Variants in ANAPC1 observed in about 807,000 individuals in gnomAD.
The protein encoded by ANAPC1 is anaphase promoting complex subunit 1.
A neutral mutation model predicts 208.0 loss-of-function variants in ANAPC1; 36 were observed. That is an observed-to-expected ratio of 0.17 (90% CI 0.13 to 0.23). ANAPC1 has a LOEUF of 0.23. ANAPC1 is among the 10% of genes least tolerant of loss of function. The pLI is 1.00. For missense variants in ANAPC1, 942 were observed against 2,011.6 expected, an observed-to-expected ratio of 0.47 and a Z score of 10.17; for synonymous variants, 378 against 695.2, an observed-to-expected ratio of 0.54 and a Z score of 7.18.
At chr2:111,797,037 G>GT (rs972208183) in intron 34 of ANAPC1, among the ~76,000 whole-genome samples, 6 of 151,710 alleles carry the variant, frequency 4.0e-5, no homozygotes, top group African/African-American at 1.5e-4. Flanking sequence ...TTGTTTGTTT[G>GT]TTTTTTGTAG....
chr2:111,833,093 G>T, intron 20 of ANAPC1, 127 bp downstream of exon 20: 1 of 1,331,004 alleles, frequency 7.5e-7, no homozygotes, highest in Non-Finnish European at 9.9e-7. Context: ...AAATCTGCCT[G>T]GTGGAAAGGC....
chr2:111,867,523 T>G (rs1274958633), intron 7 of ANAPC1, among the ~76,000 whole-genome samples: 31 of 151,666 alleles, frequency 2.0e-4, no homozygotes, highest in Admixed American at 1.5e-3. Context: ...AAACCCCATC[T>G]CCACCAAAAA....
rs58815496 is a variant in ANAPC1, at chr2:111,823,000, CTTTTTTTTTTTTTTTTTT to C, written c.2813-418_2813-401del. 9.8e-5 allele frequency among the ~76,000 whole-genome samples: 6 copies of C among 61,304 alleles called. 1 individual carries two copies. Among genetic ancestry groups the C allele is most frequent in the African/African-American group, 3.5e-4 (5 of 14,086 alleles). 40.2% of individuals were successfully genotyped at this position (61,304 alleles called of 152,430 possible). A position where few individuals can be genotyped will look rare whatever the true frequency, so the allele number is the denominator to read the frequency against. ...TAGAGCAATAATAATTCTTTTTATT[CTTTTTTTTTTTTTTTTTT>C]TTTTTTTTTGAGATGGAGTCTCGCT... On this transcript the variant is annotated intron_variant, in intron 24 of 47. Coordinates refer to ENST00000341068, the MANE Select transcript of ANAPC1 (RefSeq NM_022662.4).
chr2:111,792,864 A>G (rs1444050353), intron 37 of ANAPC1, among the ~76,000 whole-genome samples: 1 of 152,126 alleles, frequency 6.6e-6, no homozygotes, highest in African/African-American at 2.4e-5. Flanking sequence ...GAGGCAGAAG[A>G]ATGGCGTGAA....
At chr2:111,783,712 A>G (rs1439022764) in intron 42 of ANAPC1, among the ~76,000 whole-genome samples, 185 bp downstream of exon 42, 1 of 152,268 alleles carries the variant, frequency 6.6e-6, no homozygotes, top group African/African-American at 2.4e-5. Flanking sequence ...TAAAACTTTC[A>G]TTTTCTAACA....
chr2:111,847,452 T>C (rs1358596591), intron 15 of ANAPC1, among the ~76,000 whole-genome samples: 2 of 152,254 alleles, frequency 1.3e-5, no homozygotes, highest in African/African-American at 4.8e-5. Flanking sequence ...AAAGGACATT[T>C]ACTTTTAATG....
intron 44 of ANAPC1, chr2:111,780,019 T>C (rs1677198284): frequency 4.5e-6 from 1 of 224,330 alleles, no homozygotes. Context: ...AAGCAGAATA[T>C]GGATGGGTAT....
intron 7 of ANAPC1, among the ~76,000 whole-genome samples, chr2:111,866,719 G>A (rs1255349307): frequency 2.2e-5 from 3 of 135,884 alleles, no homozygotes; most frequent in East Asian, 2.2e-4. Context: ...GCGAGACTCC[G>A]TCTCAAAAAA....
intron 17 of ANAPC1, among the ~76,000 whole-genome samples, chr2:111,838,839 A>G (rs1573434878): frequency 1.3e-5 from 2 of 152,334 alleles, no homozygotes; most frequent in South Asian, 2.1e-4. Flanking sequence ...AACTTTAGGC[A>G]TATCCACAAT....
intron 13 of ANAPC1, among the ~76,000 whole-genome samples, chr2:111,851,629 A>AC (rs953477112): frequency 3.3e-5 from 5 of 150,826 alleles, no homozygotes; most frequent in African/African-American, 1.2e-4. Context: ...ACACAGTGAA[A>AC]CCCCATCTCT....
intron 1 of ANAPC1, among the ~76,000 whole-genome samples, chr2:111,882,887 G>T (rs1051589071): frequency 6.6e-6 from 1 of 152,014 alleles, no homozygotes; most frequent in African/African-American, 2.4e-5. Context: ...CTTACAAGGG[G>T]CAGGGCGTGG....
chr2:111,823,000 C>CTTTTTTT (rs58815496), intron 24 of ANAPC1, among the ~76,000 whole-genome samples: 6 of 61,302 alleles, frequency 9.8e-5, no homozygotes, highest in African/African-American at 1.4e-4. Context: ...TCTTTTTATT[C>CTTTTTTT]TTTTTTTTTT....
rs182854699 is a variant in ANAPC1 at position 111,866,381 on chromosome 2, C to T, written c.686-1430G>A. 3.0e-3 allele frequency: 557 copies of T among 187,804 alleles called. 6 individuals are homozygous for T. Among genetic ancestry groups the T allele is most frequent in the African/African-American group, 0.016 (507 of 31,302 alleles). 11.6% of individuals were successfully genotyped at this position (187,804 alleles called of 1,614,324 possible). A position where few individuals can be genotyped will look rare whatever the true frequency, so the allele number is the denominator to read the frequency against. ...TCAGGAATCCACCTTGTAAAGCCCA[C>T]AAGGACCAAACACACCCACCAAAGC... On this transcript the variant is annotated intron_variant, in intron 7 of 47. Transcript: ENST00000341068.
At chr2:111,820,029 TTA>T (rs1558689796) in intron 26 of ANAPC1, among the ~76,000 whole-genome samples, 1 of 152,172 alleles carries the variant, frequency 6.6e-6, no homozygotes, top group African/African-American at 2.4e-5. Flanking sequence ...GAGAACAATA[TTA>T]TATCCCCTGA....
Position 111,862,541 on chromosome 2 carries a change from G to A in ANAPC1, c.1110C>T (p.Asn370=). Residue 370 remains asparagine (N), a synonymous_variant, in exon 10 of 48, where the codon AAC becomes AAT. Transcript: ENST00000341068. ...VHSFSGVQRF[N]ISSHNQSPKR... is the part of the protein sequence containing the mutation. ...TTGGAGACTGATTATGGCTTGAAAT[G>A]TTGAACCTTTGCACCCCTGAAAAAG... is the stretch of plus-strand genomic sequence containing the variant. 1 of 1,611,080 alleles carries A rather than the reference G, an allele frequency of 6.2e-7. No individual in the cohort carries two copies. Among genetic ancestry groups the A allele is most frequent in the South Asian group, 1.1e-5 (1 of 90,914 alleles).
chr2:111,771,257 T>G (rs1411485819), intron 47 of ANAPC1: 1 of 149,748 alleles, frequency 6.7e-6, no homozygotes, highest in Non-Finnish European at 1.5e-5. Context: ...GCTGCTGACA[T>G]TTTTGCTTAC....
chr2:111,880,492 C>T (rs1294078151), intron 2 of ANAPC1, 121 bp downstream of exon 2: 6 of 1,453,586 alleles, frequency 4.1e-6, no homozygotes, highest in Admixed American at 2.8e-5. Context: ...AATTACCACA[C>T]CTTAACTCTA....
At chr2:111,872,122 G>C (rs1407153355) in intron 6 of ANAPC1, among the ~76,000 whole-genome samples, 1 of 152,178 alleles carries the variant, frequency 6.6e-6, no homozygotes, top group Non-Finnish European at 1.5e-5. Flanking sequence ...GATGTTGGCT[G>C]TGGGTTTGTT....
intron 14 of ANAPC1, among the ~76,000 whole-genome samples, chr2:111,848,769 T>A (rs1681230854): frequency 7.0e-6 from 1 of 142,556 alleles, no homozygotes; most frequent in African/African-American, 2.7e-5. Flanking sequence ...AGGGCAAGAC[T>A]CCATCTCAAA....
Sources: gnomAD v4.1 joint callset for allele counts (sites outside exome capture counted in the v4.1 genomes callset) on GRCh38, gnomAD v4.1.1 for gene constraint, MANE v1.5 for transcripts, NCBI Gene and HGNC (gene_info 2026-07-23, HGNC 2026-07-21) for gene names.